Variants in CEMIP observed in about 807,000 individuals in gnomAD.
CEMIP encodes the protein cell migration inducing hyaluronidase 1, also known as cell migration-inducing and hyaluronan-binding protein.
Under a neutral mutation model 156.9 loss-of-function variants are expected in CEMIP, and 105 were observed. The observed-to-expected ratio is 0.67, with a 90% confidence interval of 0.57 to 0.79. The LOEUF (loss-of-function observed/expected upper bound fraction) is 0.79, where lower values mean the gene tolerates loss of function less well. Among genes scored for constraint, CEMIP ranks in the 30% least tolerant of loss-of-function variants. The probability of loss-of-function intolerance (pLI) is 0.00; values close to 1 mark genes in which losing one functional copy is unlikely to be tolerated. For missense variants in CEMIP, 1,457 were observed against 1,769.4 expected (o/e 0.82, Z 3.17); for synonymous variants, 676 against 668.4 (o/e 1.01, Z -0.17).
At chr15:80,833,152 A>G (rs1435601768) in intron 1 of CEMIP, among the ~76,000 whole-genome samples, 2 of 152,178 alleles carry the variant, frequency 1.3e-5, no homozygotes, top group Admixed American at 1.3e-4. Context: ...CCACTTTTTT[A>G]TGGAAGGACT....
At chr15:80,938,244 C>T (rs1443877953) in intron 25 of CEMIP, 1 of 439,454 alleles carries the variant, frequency 2.3e-6, no homozygotes, top group East Asian at 4.6e-5. Context: ...AAAGTGAAGG[C>T]AGTAAATCTT....
At position 80,825,258 on chromosome 15, in the gene CEMIP, G is replaced by T. The variant is rs924151894; in HGVS notation, c.-176+45644G>T. Reference sequence around the variant, plus strand: ...GAAGTGTGTGTGTGTGTGTGTGCATGTGTGCGTAAAACTTCATTTAATAAC... The same window carrying T: ...GAAGTGTGTGTGTGTGTGTGTGCATTTGTGCGTAAAACTTCATTTAATAAC... On this transcript the variant is annotated intron_variant, in intron 1 of 29. Coordinates refer to ENST00000394685, the MANE Select transcript of CEMIP (RefSeq NM_001293298.2). Among the ~76,000 whole-genome samples the T allele has an allele frequency of 5.9e-5, 9 of 152,274 alleles. No individual in the cohort carries two copies. In the Middle Eastern group the frequency reaches 0.01, roughly 173 times the overall value.
chr15:80,904,984 A>G (rs1899733630), intron 12 of CEMIP, among the ~76,000 whole-genome samples: 1 of 152,172 alleles, frequency 6.6e-6, no homozygotes, highest in African/African-American at 2.4e-5. Flanking sequence ...AAAACCCCAC[A>G]ATCTCACTGA....
At chr15:80,933,582 CT>C (rs1567108592) in intron 23 of CEMIP, 122 bp downstream of exon 23, 2 of 728,212 alleles carry the variant, frequency 2.7e-6, no homozygotes, top group South Asian at 2.0e-5. Flanking sequence ...ATTTTTTTTT[CT>C]TTTTCTTTCT....
chr15:80,835,490 G>A (rs1428857307), intron 1 of CEMIP, among the ~76,000 whole-genome samples: 5 of 152,212 alleles, frequency 3.3e-5, no homozygotes, highest in African/African-American at 4.8e-5. Flanking sequence ...CAGGGGCCCC[G>A]CATGGCCACC....
intron 1 of CEMIP, among the ~76,000 whole-genome samples, chr15:80,819,593 A>G (rs1896865000): frequency 6.6e-6 from 1 of 152,192 alleles, no homozygotes; most frequent in African/African-American, 2.4e-5. Flanking sequence ...CACCCTGAGT[A>G]TTCCCCCTTT....
At chr15:80,888,593 G>C (rs983521286) in intron 8 of CEMIP, 108 bp from the exon 9 acceptor site, 2 of 803,178 alleles carry the variant, frequency 2.5e-6, no homozygotes, top group South Asian at 2.9e-5. Flanking sequence ...TATTTTTAAA[G>C]AAATGAGTCA....
chr15:80,920,471 G>A (rs1900432007), intron 15 of CEMIP, among the ~76,000 whole-genome samples, 172 bp downstream of exon 15: 1 of 152,250 alleles, frequency 6.6e-6, no homozygotes, highest in African/African-American at 2.4e-5. Flanking sequence ...GCAGGTGGGA[G>A]GGAGGGTGTC....
intron 8 of CEMIP, among the ~76,000 whole-genome samples, chr15:80,888,427 C>T (rs1898923781): frequency 6.6e-6 from 1 of 152,108 alleles, no homozygotes. Context: ...AGTTCTAATG[C>T]CAAGGAGGAA....
intron 1 of CEMIP, among the ~76,000 whole-genome samples, chr15:80,855,079 C>T (rs549718709): frequency 9.9e-5 from 15 of 152,272 alleles, no homozygotes; most frequent in African/African-American, 3.4e-4. Flanking sequence ...CCTAGCCACT[C>T]AGGTGGCTGA....
At chr15:80,834,851 A>C (rs981070712) in intron 1 of CEMIP, among the ~76,000 whole-genome samples, 7 of 152,122 alleles carry the variant, frequency 4.6e-5, no homozygotes, top group African/African-American at 1.4e-4. Flanking sequence ...TGGAAAAAAA[A>C]CCAAATATTT....
intron 1 of CEMIP, among the ~76,000 whole-genome samples, chr15:80,814,631 C>T (rs1458030638): frequency 6.6e-6 from 1 of 152,206 alleles, no homozygotes; most frequent in East Asian, 1.9e-4. Context: ...AGATTGCTCA[C>T]TGAGGGTCTT....
In CEMIP at chr15:80,920,090, G is replaced by A. The variant is rs771163393; in HGVS notation, c.1798-4G>A. The A allele has an allele frequency of 1.2e-6, 2 of 1,614,152 alleles. No individual in the cohort carries two copies. Among genetic ancestry groups the A allele is most frequent in the Non-Finnish European group, 1.7e-6 (2 of 1,179,978 alleles). On this transcript the variant is annotated splice_region_variant and splice_polypyrimidine_tract_variant and intron_variant, in intron 14 of 29. Coordinates refer to ENST00000394685, the MANE Select transcript of CEMIP (RefSeq NM_001293298.2). ...GTGAAACACCCCTGTCTTGACCCCT[G>A]CAGATCAAGGACGTTGTGGGCTATA...
intron 12 of CEMIP, among the ~76,000 whole-genome samples, chr15:80,900,630 G>GTGTGTC (rs1567090870): frequency 3.1e-5 from 4 of 129,386 alleles, no homozygotes; most frequent in Non-Finnish European, 7.2e-5. Context: ...GTGTGTGTGT[G>GTGTGTC]TGTGTGTGTG....
At chr15:80,902,828 A>G (rs569643805) in intron 12 of CEMIP, among the ~76,000 whole-genome samples, 128 of 152,310 alleles carry the variant, frequency 8.4e-4, no homozygotes, top group South Asian at 7.7e-3. Flanking sequence ...GGATGGTGCT[A>G]GTGACAGCTG....
At position 80,928,839 on chromosome 15, in the gene CEMIP, C is replaced by T. The variant is rs1316944278; in HGVS notation, c.2421-63C>T. The T allele has an allele frequency of 5.0e-5, 81 of 1,603,982 alleles. No individual in the cohort carries two copies. The East Asian group carries it at 1.6e-3, about 32-fold the overall frequency. ...CAAGGGCAGGGAAGTGTCCTTCTCT[C>T]CACGACTCCACTGAATGTGAAGCCA... is the stretch of plus-strand genomic sequence containing the variant. On this transcript the variant is annotated intron_variant, in intron 19 of 29. Coordinates refer to ENST00000394685, the MANE Select transcript of CEMIP (RefSeq NM_001293298.2).
At chr15:80,859,487 T>TG (rs1235140985) in intron 1 of CEMIP, among the ~76,000 whole-genome samples, 1 of 152,266 alleles carries the variant, frequency 6.6e-6, no homozygotes, top group Non-Finnish European at 1.5e-5. Flanking sequence ...TCTCTCCTGC[T>TG]GCTCCCAGCA....
intron 1 of CEMIP, among the ~76,000 whole-genome samples, chr15:80,838,186 C>T (rs1442910645): frequency 2.6e-5 from 4 of 152,158 alleles, no homozygotes; most frequent in African/African-American, 9.7e-5. Context: ...GCGTTCCACT[C>T]GCAGGGAGCG....
intron 1 of CEMIP, among the ~76,000 whole-genome samples, chr15:80,820,436 G>A (rs918131527): frequency 1.3e-5 from 2 of 152,142 alleles, no homozygotes; most frequent in Non-Finnish European, 1.5e-5. Context: ...CTTAGCTTAG[G>A]AACCTGGTTT....
Sources: allele counts gnomAD v4.1 joint callset (sites outside exome capture counted in the v4.1 genomes callset), GRCh38; gene constraint gnomAD v4.1.1; transcripts MANE v1.5; gene names NCBI Gene and HGNC (gene_info 2026-07-23, HGNC 2026-07-21).